Variants in SND1 observed in about 807,000 individuals in gnomAD.
SND1 encodes the protein staphylococcal nuclease domain-containing protein 1.
Under a neutral mutation model 121.7 loss-of-function variants are expected in SND1, and 38 were observed. That is an observed-to-expected ratio of 0.31 (90% CI 0.24 to 0.41). The LOEUF (loss-of-function observed/expected upper bound fraction) is 0.41. Ranked by LOEUF, SND1 falls within the 10% of genes least tolerant of loss-of-function variation. The probability of loss-of-function intolerance (pLI) is 1.00; values close to 1 mark genes in which losing one functional copy is unlikely to be tolerated. For synonymous variants in SND1, 401 were observed against 447.4 expected, an observed-to-expected ratio of 0.90 and a Z score of 1.31; for missense variants, 868 against 1,184.6, an observed-to-expected ratio of 0.73 and a Z score of 3.92.
chr7:127,913,833 A>G (rs544386393), intron 14 of SND1, among the ~76,000 whole-genome samples: 1 of 152,338 alleles, frequency 6.6e-6, no homozygotes, highest in East Asian at 1.9e-4. Context: ...TCCTGTGGCT[A>G]TTGCTTATAT....
chr7:128,012,740 T>C (rs752133514), intron 16 of SND1, among the ~76,000 whole-genome samples: 3 of 152,202 alleles, frequency 2.0e-5, no homozygotes, highest in African/African-American at 2.4e-5. Context: ...TACATTTACA[T>C]ACCACATCCT....
At chr7:127,855,629 A>G (rs1365704977) in intron 12 of SND1, among the ~76,000 whole-genome samples, 1 of 152,206 alleles carries the variant, frequency 6.6e-6, no homozygotes, top group African/African-American at 2.4e-5. Flanking sequence ...AGTGACTAAG[A>G]CATAACAATC....
At chr7:127,950,534 G>A (rs542460427) in intron 15 of SND1, among the ~76,000 whole-genome samples, 10 of 152,300 alleles carry the variant, frequency 6.6e-5, no homozygotes, top group Admixed American at 4.6e-4. Flanking sequence ...AAATGCTATT[G>A]TCTGGGAAGG....
intron 16 of SND1, chr7:127,999,356 T>C (rs1300791097): frequency 6.7e-6 from 1 of 149,754 alleles, no homozygotes. Context: ...GTTTTCTCTG[T>C]CAGATCAATT....
At chr7:127,703,396 T>C in intron 7 of SND1, 73 bp downstream of exon 7, 1 of 1,514,098 alleles carries the variant, frequency 6.6e-7, no homozygotes, top group East Asian at 2.3e-5. Flanking sequence ...AGGGGTTTGC[T>C]TCTCTTTCTC....
intron 15 of SND1, among the ~76,000 whole-genome samples, chr7:127,976,616 A>G (rs1802126644): frequency 6.6e-6 from 1 of 152,350 alleles, no homozygotes; most frequent in Admixed American, 6.5e-5. Flanking sequence ...CATCAGTGGA[A>G]AGTAAAGGAT....
rs779913202 is a variant in SND1, at chr7:128,091,993, C to CT, written c.2669dup (p.Asn891GlufsTer11). On this transcript the variant is annotated frameshift_variant and splice_region_variant, in exon 24 of 24. Transcript: ENST00000354725. LOFTEE classifies it high-confidence loss of function. Reference sequence around the variant, plus strand: ...AGCTATTGTCTGTTTTTTCTTACAGCTGAACCTGTGGCGCTATGGAGACTT... The same window carrying CT: ...AGCTATTGTCTGTTTTTTCTTACAGCTTGAACCTGTGGCGCTATGGAGACTT... 6.2e-7 allele frequency: 1 copy of CT among 1,614,170 alleles called. No homozygotes were observed. The highest frequency in any genetic ancestry group is 8.5e-7 in the Non-Finnish European group (1 of 1,180,008).
intron 15 of SND1, among the ~76,000 whole-genome samples, chr7:127,983,285 C>G (rs1035001924): frequency 2.0e-5 from 3 of 152,108 alleles, no homozygotes; most frequent in Admixed American, 2.0e-4. Context: ...GGTACTCAGG[C>G]AGAGGTATGG....
At chr7:128,023,744 T>C (rs1803410497) in intron 16 of SND1, among the ~76,000 whole-genome samples, 1 of 152,172 alleles carries the variant, frequency 6.6e-6, no homozygotes, top group Non-Finnish European at 1.5e-5. Flanking sequence ...TGTTCAAGAA[T>C]AGGGGTGGTG....
chr7:127,972,606 T>C lies in SND1; in HGVS notation c.1670-18341T>C, dbSNP rs555610869. Among the ~76,000 whole-genome samples, 181 of 151,790 alleles carry C rather than the reference T, an allele frequency of 1.2e-3. 1 individual carries two copies. Among genetic ancestry groups the C allele is most frequent in the African/African-American group, 4.2e-3 (175 of 41,348 alleles). On this transcript the variant is annotated intron_variant, in intron 15 of 23. Transcript: ENST00000354725. Reference sequence around the variant, plus strand: ...ATCACAATCTTAGTTTACCTTTTTTTCTTGAGACAGAGTCTTGCTCTGTCA... The same window carrying C: ...ATCACAATCTTAGTTTACCTTTTTTCCTTGAGACAGAGTCTTGCTCTGTCA...
At chr7:127,776,948 G>A (rs1797631792) in intron 10 of SND1, among the ~76,000 whole-genome samples, 3 of 152,230 alleles carry the variant, frequency 2.0e-5, no homozygotes, top group Non-Finnish European at 1.5e-5. Context: ...TTTGGGATCT[G>A]TGGGTTCAGG....
At chr7:127,777,183 T>C (rs1797635892) in intron 10 of SND1, among the ~76,000 whole-genome samples, 1 of 152,246 alleles carries the variant, frequency 6.6e-6, no homozygotes, top group African/African-American at 2.4e-5. Flanking sequence ...TCAAGGAACT[T>C]GCTGCACTCT....
At chr7:128,028,748 G>A (rs1388484608) in intron 16 of SND1, 1 of 1,614,170 alleles carries the variant, frequency 6.2e-7, no homozygotes, top group East Asian at 2.2e-5. Flanking sequence ...AGATAGTGGT[G>A]ACTGTGGGGT....
chr7:127,805,603 T>G (rs1398458785), intron 10 of SND1, among the ~76,000 whole-genome samples: 1 of 152,172 alleles, frequency 6.6e-6, no homozygotes, highest in Admixed American at 6.5e-5. Context: ...GAGGCTTAGT[T>G]TGCATCGAGG....
At chr7:128,037,283 C>A (rs6969233) in intron 16 of SND1, among the ~76,000 whole-genome samples, 1 of 152,040 alleles carries the variant, frequency 6.6e-6, no homozygotes, top group Non-Finnish European at 1.5e-5. Context: ...CCTTGACTTA[C>A]AGCTGTATCA....
At position 128,074,837 on chromosome 7, in the gene SND1, A is replaced by C; in HGVS notation, c.1968+147A>C. The C allele has an allele frequency of 7.8e-6, 6 of 774,174 alleles. No homozygotes were observed. In the South Asian group the frequency reaches 1.1e-4, roughly 15 times the overall value. The allele number at this position is 774,174 out of a possible 1,614,324, so 48.0% of individuals were successfully genotyped here. ...TGGTCTCAGACCCCACACCAAGGCC[A>C]CACACAGGCGAGGAGAGGCTGCCAG... On this transcript the variant is annotated intron_variant, in intron 17 of 23. Coordinates refer to ENST00000354725, the MANE Select transcript of SND1 (RefSeq NM_014390.4).
At chr7:127,899,986 G>A (rs1800197320) in intron 13 of SND1, among the ~76,000 whole-genome samples, 1 of 152,172 alleles carries the variant, frequency 6.6e-6, no homozygotes, top group Admixed American at 6.5e-5. Context: ...ATCTCTCTCA[G>A]CTCTGTAGCC....
chr7:127,660,937 TC>T (rs1795299022), intron 1 of SND1, among the ~76,000 whole-genome samples: 1 of 151,678 alleles, frequency 6.6e-6, no homozygotes, highest in South Asian at 2.1e-4. Flanking sequence ...AGGTCTATTT[TC>T]AAAAAAAAGC....
chr7:128,029,358 T>C lies in SND1; in HGVS notation c.1779+38302T>C, dbSNP rs1216397194. 6 of 1,614,056 alleles carry C rather than the reference T, an allele frequency of 3.7e-6. No individual in the cohort carries two copies. The highest frequency in any genetic ancestry group is 1.3e-5 in the African/African-American group (1 of 74,912). Reference sequence around the variant, plus strand: ...CGAGGCGTTGGAGTTGCCTGCAACATTGGTCACCATGCATGTGTACACCCC... The same window carrying C: ...CGAGGCGTTGGAGTTGCCTGCAACACTGGTCACCATGCATGTGTACACCCC... On this transcript the variant is annotated intron_variant, in intron 16 of 23. Transcript: ENST00000354725. This position sits in a 1 kb window ranked among gnomAD's most constrained non-coding sequence, Gnocchi z 4.2.
Sources: allele counts gnomAD v4.1 joint callset (sites outside exome capture counted in the v4.1 genomes callset), GRCh38; gene constraint gnomAD v4.1.1; non-coding constraint Gnocchi (gnomAD v3.1); transcripts MANE v1.5; gene names NCBI Gene and HGNC (gene_info 2026-07-23, HGNC 2026-07-21).